PPP6R3: variants seen among roughly 807,000 people sequenced by gnomAD.
The protein encoded by PPP6R3 is protein phosphatase 6 regulatory subunit 3.
A neutral mutation model predicts 110.7 loss-of-function variants in PPP6R3; 38 were observed. That is an observed-to-expected ratio of 0.34 (90% CI 0.26 to 0.45). PPP6R3 has a LOEUF of 0.45. PPP6R3 is among the 20% of genes least tolerant of loss of function. The probability of loss-of-function intolerance (pLI) is 1.00; values close to 1 mark genes in which losing one functional copy is unlikely to be tolerated. For missense variants in PPP6R3, 870 were observed against 1,062.4 expected, an observed-to-expected ratio of 0.82 and a Z score of 2.52; for synonymous variants, 369 against 373.5, an observed-to-expected ratio of 0.99 and a Z score of 0.14.
intron 1 of PPP6R3, among the ~76,000 whole-genome samples, chr11:68,502,174 G>A (rs998540055): frequency 2.6e-5 from 4 of 152,202 alleles, no homozygotes; most frequent in African/African-American, 7.2e-5. Flanking sequence ...TTTTCTAATA[G>A]CCACATGAAG....
At chr11:68,490,045 TCTTCA>T (rs1241390399) in intron 1 of PPP6R3, among the ~76,000 whole-genome samples, 3 of 152,170 alleles carry the variant, frequency 2.0e-5, no homozygotes, top group Admixed American at 2.0e-4. Flanking sequence ...TTTTTTTGAA[TCTTCA>T]CTTAATTCCC....
intron 4 of PPP6R3, among the ~76,000 whole-genome samples, chr11:68,547,197 C>G (rs2099352659): frequency 6.6e-6 from 1 of 152,098 alleles, no homozygotes; most frequent in Admixed American, 6.5e-5. Flanking sequence ...AGTTTCTGAG[C>G]CTTGGTTTCC....
rs1269059642 is a variant in PPP6R3 at position 68,614,011 on chromosome 11, A to T, written c.*894A>T. 4 of 985,482 alleles carry T rather than the reference A, an allele frequency of 4.1e-6. No individual in the cohort carries two copies. Among genetic ancestry groups the T allele is most frequent in the African/African-American group, 1.7e-5 (1 of 57,158 alleles). The allele number at this position is 985,482 out of a possible 1,614,324, so 61.0% of individuals were successfully genotyped here. ...TTTACCTTGTTAACAAGCATCACCAATGAACATTTCAGAGCAATCTGCATA... is the reference window on the plus strand; with the variant it reads ...TTTACCTTGTTAACAAGCATCACCATTGAACATTTCAGAGCAATCTGCATA... On this transcript the variant is annotated 3_prime_UTR_variant, in exon 24 of 24. Transcript: ENST00000393800.
At chr11:68,501,215 A>G (rs1030465829) in intron 1 of PPP6R3, among the ~76,000 whole-genome samples, 7 of 152,232 alleles carry the variant, frequency 4.6e-5, no homozygotes, top group African/African-American at 1.4e-4. Context: ...GTGGGTTAAC[A>G]TTGAATTTGT....
chr11:68,574,273 G>A lies in PPP6R3; in HGVS notation c.1459+49G>A, dbSNP rs760559980. The A allele has an allele frequency of 4.9e-6, 7 of 1,438,252 alleles. No individual in the cohort carries two copies. The East Asian group carries it at 1.1e-4, about 24-fold the overall frequency. The allele number at this position is 1,438,252 out of a possible 1,614,324, so 89.1% of individuals were successfully genotyped here. A position where few individuals can be genotyped will look rare whatever the true frequency, so the allele number is the denominator to read the frequency against. On this transcript the variant is annotated intron_variant, in intron 13 of 23. Coordinates refer to ENST00000393800, the MANE Select transcript of PPP6R3 (RefSeq NM_001164161.2). The stretch of plus-strand genomic sequence containing the variant: ...TTACATTTTTGTTGGGTTGCAGGAA[G>A]GATTTAAGGGTCAAGTAGAAATGCA...
chr11:68,489,261 C>T (rs979644463), intron 1 of PPP6R3, among the ~76,000 whole-genome samples: 2 of 152,020 alleles, frequency 1.3e-5, no homozygotes, highest in Non-Finnish European at 2.9e-5. Flanking sequence ...CCTCATGATC[C>T]GCCCGCCTCG....
At chr11:68,549,896 G>A (rs897218536) in intron 5 of PPP6R3, among the ~76,000 whole-genome samples, 1 of 152,182 alleles carries the variant, frequency 6.6e-6, no homozygotes, top group Non-Finnish European at 1.5e-5. Context: ...ACAGAAGTGG[G>A]CTTGGAATGT....
chr11:68,504,524 AT>A (rs1565469260), intron 1 of PPP6R3, among the ~76,000 whole-genome samples: 58 of 152,336 alleles, frequency 3.8e-4, no homozygotes, highest in Admixed American at 3.7e-3. Context: ...ATATCTTACA[AT>A]ATCTTTATGG....
At chr11:68,577,368 C>G (rs914297268) in intron 14 of PPP6R3, among the ~76,000 whole-genome samples, 1 of 152,094 alleles carries the variant, frequency 6.6e-6, no homozygotes, top group Non-Finnish European at 1.5e-5. Flanking sequence ...TTTGGAGGTT[C>G]CCACGTTGAT....
chr11:68,463,530 T>TTG (rs949715095), intron 1 of PPP6R3, among the ~76,000 whole-genome samples: 16 of 151,612 alleles, frequency 1.1e-4, no homozygotes, highest in East Asian at 7.7e-4. Context: ...CTGTGTGTGT[T>TTG]TGTGTGTGTG....
chr11:68,486,330 G>T (rs1220221030), intron 1 of PPP6R3, among the ~76,000 whole-genome samples: 1 of 152,004 alleles, frequency 6.6e-6, no homozygotes, highest in African/African-American at 2.4e-5. Context: ...CGACTGCCGG[G>T]TGCAGTGGCT....
At chr11:68,606,824 T>C (rs909678097) in intron 22 of PPP6R3, among the ~76,000 whole-genome samples, 5 of 152,316 alleles carry the variant, frequency 3.3e-5, no homozygotes, top group African/African-American at 1.2e-4. Flanking sequence ...ACTGTTGTTC[T>C]TTGCAGGTGG....
chr11:68,614,119 T>TACAGGCTAGTATTTTAAAAGTAG lies in PPP6R3; in HGVS notation c.*1004_*1026dup, dbSNP rs1944712162. The TACAGGCTAGTATTTTAAAAGTAG allele has an allele frequency of 1.0e-6, 1 of 986,168 alleles. No homozygotes were observed. Among genetic ancestry groups the TACAGGCTAGTATTTTAAAAGTAG allele is most frequent in the African/African-American group, 1.7e-5 (1 of 57,256 alleles). 61.1% of individuals were successfully genotyped at this position (986,168 alleles called of 1,614,324 possible). On this transcript the variant is annotated 3_prime_UTR_variant, in exon 24 of 24. Transcript: ENST00000393800. ...TAATGGAATTAGAGTGCGTTCATTT[T>TACAGGCTAGTATTTTAAAAGTAG]ACAGGCTAGTATTTTAAAAGTAGAA... is the stretch of plus-strand genomic sequence containing the variant.
intron 15 of PPP6R3, 112 bp downstream of exon 15, chr11:68,583,241 T>A: frequency 1.3e-6 from 1 of 796,846 alleles, no homozygotes; most frequent in Non-Finnish European, 1.9e-6. Flanking sequence ...GATTTGGGGT[T>A]ACTTATTAGT....
intron 1 of PPP6R3, among the ~76,000 whole-genome samples, chr11:68,504,426 A>C (rs2099064492): frequency 6.6e-6 from 1 of 152,150 alleles, no homozygotes; most frequent in Non-Finnish European, 1.5e-5. Context: ...AGTAGGCTAT[A>C]TTCCTTTCTC....
intron 15 of PPP6R3, chr11:68,587,177 C>T: frequency 2.2e-5 from 1 of 46,510 alleles, no homozygotes; most frequent in Admixed American, 1.9e-4. Flanking sequence ...CATTATAACA[C>T]CCCCCCCCCC....
At chr11:68,505,296 A>G (rs2099069884) in intron 1 of PPP6R3, 1 of 152,118 alleles carries the variant, frequency 6.6e-6, no homozygotes, top group Admixed American at 6.6e-5. Flanking sequence ...TTACATTACT[A>G]CTGTTTGAAT....
At chr11:68,515,586 A>G (rs1394737982) in intron 1 of PPP6R3, among the ~76,000 whole-genome samples, 1 of 152,232 alleles carries the variant, frequency 6.6e-6, no homozygotes, top group Non-Finnish European at 1.5e-5. Flanking sequence ...TCCACTGCAC[A>G]TGAGCATTCA....
At chr11:68,498,717 CTGT>C (rs1340332185) in intron 1 of PPP6R3, among the ~76,000 whole-genome samples, 1 of 152,212 alleles carries the variant, frequency 6.6e-6, no homozygotes, top group Non-Finnish European at 1.5e-5. Flanking sequence ...TGAAATTGTT[CTGT>C]TGTTGATGGA....
Sources: allele counts gnomAD v4.1 joint callset (sites outside exome capture counted in the v4.1 genomes callset), GRCh38; gene constraint gnomAD v4.1.1; transcripts MANE v1.5; gene names NCBI Gene and HGNC (gene_info 2026-07-23, HGNC 2026-07-21).